Variants in SEMA5A observed in about 807,000 individuals in gnomAD.
SEMA5A encodes semaphorin 5A, also known as semaphorin-5A.
In SEMA5A, 55 loss-of-function variants were observed where a neutral mutation model predicts 135.5. The ratio of observed to expected loss-of-function variants is 0.41; its 90% CI spans 0.33 to 0.51. SEMA5A has a LOEUF of 0.51. Ranked by LOEUF, SEMA5A falls within the 20% of genes least tolerant of loss-of-function variation. The pLI, the probability that SEMA5A is intolerant of heterozygous loss-of-function variation, is 0.37. For synonymous variants in SEMA5A, 580 were observed against 546.5 expected, an observed-to-expected ratio of 1.06 and a Z score of -0.85; for missense variants, 1,290 against 1,419.9, an observed-to-expected ratio of 0.91 and a Z score of 1.47.
chr5:9,433,618 TTCTC>T (rs1302704989), intron 2 of SEMA5A, among the ~76,000 whole-genome samples: 1 of 148,364 alleles, frequency 6.7e-6, no homozygotes, highest in African/African-American at 2.5e-5. Context: ...CCTTCCTCCT[TTCTC>T]TCTTTCTCTC....
At chr5:9,406,632 A>G (rs963830801) in intron 2 of SEMA5A, among the ~76,000 whole-genome samples, 4 of 152,238 alleles carry the variant, frequency 2.6e-5, no homozygotes, top group African/African-American at 9.6e-5. Context: ...TTATTCAAAG[A>G]AATTTTAACA....
At chr5:9,064,901 T>C (rs891762485) in intron 17 of SEMA5A, among the ~76,000 whole-genome samples, 2 of 152,206 alleles carry the variant, frequency 1.3e-5, no homozygotes, top group Non-Finnish European at 2.9e-5. Context: ...CCACCCTAGG[T>C]GGAGGTCACA....
chr5:9,127,894 T>C (rs1310403583), intron 13 of SEMA5A, among the ~76,000 whole-genome samples: 1 of 152,116 alleles, frequency 6.6e-6, no homozygotes, highest in Non-Finnish European at 1.5e-5. Flanking sequence ...TAGAAATATC[T>C]AAGACTGTGA....
At chr5:9,483,159 A>G (rs1350963914) in intron 1 of SEMA5A, among the ~76,000 whole-genome samples, 1 of 151,932 alleles carries the variant, frequency 6.6e-6, no homozygotes, top group Non-Finnish European at 1.5e-5. Context: ...ATCTCTCTTC[A>G]TTCTCCTTCT....
At chr5:9,274,309 G>T (rs1750142400) in intron 5 of SEMA5A, among the ~76,000 whole-genome samples, 1 of 152,032 alleles carries the variant, frequency 6.6e-6, no homozygotes, top group Non-Finnish European at 1.5e-5. Flanking sequence ...ATATATACAT[G>T]CAATACAGGA....
chr5:9,203,981 G>T (rs557687786), intron 8 of SEMA5A, among the ~76,000 whole-genome samples: 3 of 146,248 alleles, frequency 2.1e-5, no homozygotes, highest in Non-Finnish European at 4.4e-5. Flanking sequence ...GGTGGTGGGT[G>T]GGGGGGTGTT....
chr5:9,054,906 C>A (rs1186338363), intron 18 of SEMA5A, among the ~76,000 whole-genome samples: 2 of 152,318 alleles, frequency 1.3e-5, no homozygotes, highest in South Asian at 2.1e-4. Flanking sequence ...TGAAAATCTG[C>A]AGCCATATGT....
At chr5:9,501,108 T>C (rs1372584708) in intron 1 of SEMA5A, among the ~76,000 whole-genome samples, 1 of 152,204 alleles carries the variant, frequency 6.6e-6, no homozygotes, top group East Asian at 1.9e-4. Flanking sequence ...ACAAAGACTA[T>C]GGGAAGAATC....
In SEMA5A at chr5:9,063,033, G is replaced by T. The variant is rs1300558717; in HGVS notation, c.2372C>A (p.Thr791Lys). ...HTVNGAWSAWTSWSQCSRDCS... is the reference protein window; with the variant it reads ...HTVNGAWSAWKSWSQCSRDCS... ...GTCACGGCTGCACTGTGACCACGAC[G>T]TCCAGGCTGACCAAGCCCCGTTGAC... Residue 791 changes from threonine (T) to lysine (K), a missense_variant, in exon 18 of 23, where the codon ACG becomes AAG. By Grantham distance (78) the Thr-to-Lys change is moderately conservative (BLOSUM62 -1). This residue lies in a region of SEMA5A where 1,029 missense variants were observed against 1,086.6 expected (regional missense o/e 0.95). Coordinates refer to ENST00000382496, the MANE Select transcript of SEMA5A (RefSeq NM_003966.3). The T allele has an allele frequency of 6.2e-7, 1 of 1,614,070 alleles. No individual in the cohort carries two copies. Among genetic ancestry groups the T allele is most frequent in the African/African-American group, 1.3e-5 (1 of 74,926 alleles).
At chr5:9,217,250 G>A (rs1297977716) in intron 8 of SEMA5A, among the ~76,000 whole-genome samples, 1 of 152,254 alleles carries the variant, frequency 6.6e-6, no homozygotes, top group Non-Finnish European at 1.5e-5. Flanking sequence ...GCTAAGTTTA[G>A]CCGGATATGA....
chr5:9,476,668 T>C (rs1759678377), intron 1 of SEMA5A, among the ~76,000 whole-genome samples: 1 of 152,206 alleles, frequency 6.6e-6, no homozygotes, highest in Non-Finnish European at 1.5e-5. Context: ...CTGCACACTA[T>C]GCCTTATTAT....
rs1308956697 is a variant in SEMA5A, at chr5:9,545,209, G to A, written c.-175+375C>T. On this transcript the variant is annotated intron_variant, in intron 1 of 22. Transcript: ENST00000382496. The surrounding 1 kb of genome is among the most constrained non-coding windows in gnomAD (Gnocchi z 4.5). Reference sequence around the variant, plus strand: ...TGTCCCCTGCCCCCGGCTCGCGGCAGTGCGAGCCTGGAGGCGCGCCGGGGG... The same window carrying A: ...TGTCCCCTGCCCCCGGCTCGCGGCAATGCGAGCCTGGAGGCGCGCCGGGGG... 6.6e-6 allele frequency among the ~76,000 whole-genome samples: 1 copy of A among 152,096 alleles called. No homozygotes were observed. The highest frequency in any genetic ancestry group is 2.4e-5 in the African/African-American group (1 of 41,436).
At chr5:9,345,473 T>C (rs1397773733) in intron 3 of SEMA5A, among the ~76,000 whole-genome samples, 1 of 151,640 alleles carries the variant, frequency 6.6e-6, no homozygotes, top group African/African-American at 2.4e-5. Flanking sequence ...TGGTTAGTAT[T>C]TAATGCTGAT....
At chr5:9,338,257 T>C (rs1753485500) in intron 3 of SEMA5A, among the ~76,000 whole-genome samples, 1 of 152,246 alleles carries the variant, frequency 6.6e-6, no homozygotes, top group African/African-American at 2.4e-5. Flanking sequence ...ATCATTTGCC[T>C]TCTTTCAAAT....
intron 16 of SEMA5A, among the ~76,000 whole-genome samples, chr5:9,087,526 GTTTAT>G (rs1561139620): frequency 6.6e-6 from 1 of 151,204 alleles, no homozygotes; most frequent in Non-Finnish European, 1.5e-5. Context: ...AGCCACAGAT[GTTTAT>G]TTTTATTATA....
intron 2 of SEMA5A, among the ~76,000 whole-genome samples, chr5:9,384,713 TAGAC>T (rs72287146): frequency 0.16 from 16,195 of 100,706 alleles, 2,188 homozygotes; most frequent in African/African-American, 0.21. Flanking sequence ...GATAGATAGA[TAGAC>T]AGACAGACAG....
At chr5:9,382,446 A>G (rs1236847982) in intron 2 of SEMA5A, among the ~76,000 whole-genome samples, 1 of 152,210 alleles carries the variant, frequency 6.6e-6, no homozygotes, top group African/African-American at 2.4e-5. Context: ...AGTGCTTACC[A>G]CCTGAACAAA....
At chr5:9,369,987 A>T (rs929501608) in intron 3 of SEMA5A, among the ~76,000 whole-genome samples, 14 of 152,318 alleles carry the variant, frequency 9.2e-5, no homozygotes, top group African/African-American at 3.4e-4. Context: ...TCTCCTAATA[A>T]AATGTAAACT....
At position 9,327,197 on chromosome 5, in the gene SEMA5A, T is replaced by C. The variant is rs887579685; in HGVS notation, c.225-8780A>G. Reference sequence around the variant, plus strand: ...TTTTTAATTCTTTTGTGAGTTTTTTTCTAAAATATTTTAAAATATGGTGAC... The same window carrying C: ...TTTTTAATTCTTTTGTGAGTTTTTTCCTAAAATATTTTAAAATATGGTGAC... On this transcript the variant is annotated intron_variant, in intron 4 of 22. Coordinates refer to ENST00000382496, the MANE Select transcript of SEMA5A (RefSeq NM_003966.3). Among the ~76,000 whole-genome samples the C allele has an allele frequency of 1.7e-4, 26 of 152,312 alleles. 1 individual carries two copies. Among genetic ancestry groups the C allele is most frequent in the Admixed American group, 1.5e-3 (23 of 15,294 alleles).
Sources: allele counts gnomAD v4.1 joint callset (sites outside exome capture counted in the v4.1 genomes callset), GRCh38; gene constraint gnomAD v4.1.1; regional missense constraint gnomAD v4.1.1; non-coding constraint Gnocchi (gnomAD v3.1); transcripts MANE v1.5; gene names NCBI Gene and HGNC (gene_info 2026-07-23, HGNC 2026-07-21).